The following SLC18A2 variants were observed in gnomAD, a reference collection of about 807,000 sequenced individuals.
SLC18A2 encodes the protein synaptic vesicular amine transporter.
SLC18A2 carries 33 observed loss-of-function variants against 59.2 expected under a neutral mutation model. The observed-to-expected ratio is 0.56, with a 90% CI of 0.42 to 0.75. The LOEUF (loss-of-function observed/expected upper bound fraction) is 0.75. Among genes scored for constraint, SLC18A2 ranks in the 30% least tolerant of loss-of-function variants. The pLI is 0.00. For synonymous variants in SLC18A2, 228 were observed against 253.5 expected, an observed-to-expected ratio of 0.90 and a Z score of 0.95; for missense variants, 569 against 668.6, an observed-to-expected ratio of 0.85 and a Z score of 1.64.
At chr10:117,259,442 C>T (rs1844267761) in intron 10 of SLC18A2, among the ~76,000 whole-genome samples, 2 of 152,178 alleles carry the variant, frequency 1.3e-5, no homozygotes, top group South Asian at 4.1e-4. Context: ...TGCCTCTCTT[C>T]TGTTTCCTGT....
rs548961538 is a variant in SLC18A2 at position 117,244,178 on chromosome 10, C to T, written c.329C>T (p.Ala110Val). ...GCCACACAGCACATGGTGACCAACG[C>T]GTCCGCTGTTCCTTCCGACTGTCCC... Reference protein sequence around the residue: ...QTATQHMVTNASAVPSDCPSE... With the variant: ...QTATQHMVTNVSAVPSDCPSE... Residue 110 changes from alanine (A) to valine (V), a missense_variant, in exon 3 of 16, where the codon GCG (alanine) becomes GTG (valine). Ala to Val is a moderately conservative substitution (Grantham distance 64, BLOSUM62 0). Coordinates refer to ENST00000644641, the MANE Select transcript of SLC18A2 (RefSeq NM_003054.6). 64 of 1,614,198 alleles carry T rather than the reference C, an allele frequency of 4.0e-5. No homozygotes were observed. Among genetic ancestry groups the T allele is most frequent in the South Asian group, 3.6e-4 (33 of 91,086 alleles).
intron 9 of SLC18A2, 25 bp downstream of exon 9, chr10:117,255,682 T>G (rs1381097073): frequency 1.9e-6 from 3 of 1,609,030 alleles, no homozygotes; most frequent in Non-Finnish European, 2.5e-6. Flanking sequence ...GTCTTCTGAG[T>G]CAGGGGAATG....
Position 117,260,328 on chromosome 10 carries a change from C to T in SLC18A2, c.991+2436C>T, listed in dbSNP as rs756475558. ...CTTTCAGCCCCACCTTCACAGTACC[C>T]GAAGCTTCAGTTCCTTTCTGGCTGT... On this transcript the variant is annotated intron_variant, in intron 10 of 15. Transcript: ENST00000644641. Among the ~76,000 whole-genome samples the T allele has an allele frequency of 1.5e-4, 23 of 152,356 alleles. 1 individual carries two copies. The highest frequency in any genetic ancestry group is 3.4e-3 in the Middle Eastern group (1 of 294).
rs766612856 is a variant in SLC18A2, at chr10:117,241,686, C to T, written c.-8C>T. On this transcript the variant is annotated 5_prime_UTR_variant, in exon 2 of 16. Transcript: ENST00000644641. ...CGCGCACCGCGCCCGCAGCGGAGCC[C>T]CGGAGCCATGGCCCTGAGCGAGCTG... is the stretch of plus-strand genomic sequence containing the variant. 2 of 1,579,524 alleles carry T rather than the reference C, an allele frequency of 1.3e-6. No individual in the cohort carries two copies. Among genetic ancestry groups the T allele is most frequent in the South Asian group, 1.1e-5 (1 of 87,602 alleles).
intron 15 of SLC18A2, among the ~76,000 whole-genome samples, chr10:117,272,677 T>A (rs1844440599): frequency 6.6e-6 from 1 of 152,222 alleles, no homozygotes; most frequent in African/African-American, 2.4e-5. Flanking sequence ...CAATCCTTAA[T>A]AAGCACCTAG....
At chr10:117,246,843 G>A (rs1844114995) in intron 3 of SLC18A2, among the ~76,000 whole-genome samples, 2 of 151,986 alleles carry the variant, frequency 1.3e-5, no homozygotes, top group South Asian at 4.2e-4. Context: ...TGGTAGAGAC[G>A]AGGTTTCACC....
In SLC18A2 at chr10:117,269,986, T is replaced by C; in HGVS notation, c.1187-85T>C. 6.6e-7 allele frequency: 1 copy of C among 1,515,806 alleles called. No homozygotes were observed. Among genetic ancestry groups the C allele is most frequent in the Admixed American group, 1.8e-5 (1 of 55,766 alleles). The allele number at this position is 1,515,806 out of a possible 1,614,324, so 93.9% of individuals were successfully genotyped here. A position where few individuals can be genotyped will look rare whatever the true frequency, so the allele number is the denominator to read the frequency against. On this transcript the variant is annotated intron_variant, in intron 13 of 15. Coordinates refer to ENST00000644641, the MANE Select transcript of SLC18A2 (RefSeq NM_003054.6). This position sits in a 1 kb window ranked among gnomAD's most constrained non-coding sequence, Gnocchi z 5.1. ...AGAAGGGGAAGAGCTGGCAGGGTGG[T>C]GAGTTTAAGACACACTCCCTGATAT...
At position 117,252,454 on chromosome 10, in the gene SLC18A2, G is replaced by A. The variant is rs530834190; in HGVS notation, c.465-945G>A. On this transcript the variant is annotated intron_variant, in intron 3 of 15. Transcript: ENST00000644641. ...TTAGAGATGTTTCAGGCTCTTCTGG[G>A]TTGGAGCAAACCTTCAATTGGGCAA... Among the ~76,000 whole-genome samples the A allele has an allele frequency of 1.8e-4, 28 of 152,146 alleles. No homozygotes were observed. In the South Asian group the frequency reaches 5.6e-3, roughly 30 times the overall value.
intron 10 of SLC18A2, among the ~76,000 whole-genome samples, chr10:117,258,702 G>A (rs1024210954): frequency 8.0e-5 from 12 of 150,392 alleles, no homozygotes; most frequent in Non-Finnish European, 7.4e-5. Context: ...CACCTTCAAC[G>A]TTTTTAGATC....
In SLC18A2 at chr10:117,277,975, G is replaced by A. The variant is rs184657716; in HGVS notation, c.*709G>A. ...ATAAAGGAAAAACAGTAAATGTTCC[G>A]AAAGCAGAGAAAAGCAACCAAACAT... On this transcript the variant is annotated 3_prime_UTR_variant, in exon 16 of 16. Coordinates refer to ENST00000644641, the MANE Select transcript of SLC18A2 (RefSeq NM_003054.6). The A allele has an allele frequency of 2.6e-5, 4 of 152,294 alleles. No homozygotes were observed. The highest frequency in any genetic ancestry group is 7.2e-5 in the African/African-American group (3 of 41,566). 9.4% of individuals were successfully genotyped at this position (152,294 alleles called of 1,614,324 possible).
chr10:117,242,764 A>T (rs1178211651), intron 2 of SLC18A2, among the ~76,000 whole-genome samples: 1 of 151,750 alleles, frequency 6.6e-6, no homozygotes, highest in African/African-American at 2.4e-5. Context: ...ATGGAGTCTC[A>T]CTCTGTTGCC....
chr10:117,271,378 A>G (rs1303330704), intron 15 of SLC18A2, among the ~76,000 whole-genome samples: 1 of 152,238 alleles, frequency 6.6e-6, no homozygotes, highest in Non-Finnish European at 1.5e-5. Flanking sequence ...ATGCTTTGGC[A>G]TTTCCTGAAC....
intron 2 of SLC18A2, among the ~76,000 whole-genome samples, chr10:117,243,059 A>C (rs1267081803): frequency 6.6e-6 from 1 of 152,158 alleles, no homozygotes; most frequent in Non-Finnish European, 1.5e-5. Context: ...TTCCTTGTGA[A>C]AGCCTTAGGA....
chr10:117,257,856 A>G lies in SLC18A2; in HGVS notation c.955A>G (p.Met319Val), dbSNP rs926914628. Residue 319 changes from methionine (M) to valine (V), a missense_variant, in exon 10 of 16, where the codon ATG becomes GTG. This residue lies in a region of SLC18A2 where 192 missense variants were observed against 278.8 expected (regional missense o/e 0.69). Transcript: ENST00000644641. ...AMLEPALPIW[M>V]METMCSRKWQ... is the part of the protein sequence containing the mutation. The stretch of plus-strand genomic sequence containing the variant: ...GCTGGAGCCAGCCCTGCCCATCTGG[A>G]TGATGGAGACCATGTGTTCCCGAAA... 2 of 1,612,316 alleles carry G rather than the reference A, an allele frequency of 1.2e-6. No individual in the cohort carries two copies. Among genetic ancestry groups the G allele is most frequent in the Non-Finnish European group, 1.7e-6 (2 of 1,179,154 alleles).
At position 117,269,922 on chromosome 10, in the gene SLC18A2, A is replaced by T. The variant is rs771689371; in HGVS notation, c.1187-149A>T. 53 of 904,100 alleles carry T rather than the reference A, an allele frequency of 5.9e-5. No individual in the cohort carries two copies. The highest frequency in any genetic ancestry group is 8.3e-5 in the Non-Finnish European group (50 of 605,612). 56.0% of individuals were successfully genotyped at this position (904,100 alleles called of 1,614,324 possible). Reference sequence around the variant, plus strand: ...AGGCTTCCTTCATTCTTTCTACTCAAAGATTAGTATCACCCCAAGACTTGC... The same window carrying T: ...AGGCTTCCTTCATTCTTTCTACTCATAGATTAGTATCACCCCAAGACTTGC... On this transcript the variant is annotated intron_variant, in intron 13 of 15. Coordinates refer to ENST00000644641, the MANE Select transcript of SLC18A2 (RefSeq NM_003054.6). This position sits in a 1 kb window ranked among gnomAD's most constrained non-coding sequence, Gnocchi z 5.1.
chr10:117,250,257 T>C (rs902660219), intron 3 of SLC18A2, among the ~76,000 whole-genome samples: 3 of 152,054 alleles, frequency 2.0e-5, no homozygotes, highest in African/African-American at 7.2e-5. Flanking sequence ...TTGGCCTGTG[T>C]TGAAAGTGCA....
intron 3 of SLC18A2, among the ~76,000 whole-genome samples, chr10:117,251,153 G>A (rs565161534): frequency 1.3e-5 from 2 of 152,120 alleles, no homozygotes; most frequent in African/African-American, 2.4e-5. Flanking sequence ...GATACGTATT[G>A]GTACTTCAAC....
At chr10:117,249,600 G>T (rs145763651) in intron 3 of SLC18A2, among the ~76,000 whole-genome samples, 6 of 152,298 alleles carry the variant, frequency 3.9e-5, no homozygotes, top group African/African-American at 9.6e-5. Flanking sequence ...TAGTCTGTAT[G>T]CTTCTTGTAA....
intron 3 of SLC18A2, among the ~76,000 whole-genome samples, chr10:117,244,653 C>G (rs1329490644): frequency 6.6e-6 from 1 of 152,244 alleles, no homozygotes; most frequent in African/African-American, 2.4e-5. Context: ...TCTACAGCCA[C>G]CATGGCTGTC....
Sources: gnomAD v4.1 joint callset for allele counts (sites outside exome capture counted in the v4.1 genomes callset) on GRCh38, gnomAD v4.1.1 for gene constraint, gnomAD v4.1.1 regional missense constraint, Gnocchi (gnomAD v3.1) non-coding constraint, MANE v1.5 for transcripts, NCBI Gene and HGNC (gene_info 2026-07-23, HGNC 2026-07-21) for gene names.